The following TACC2 variants were observed in gnomAD, a reference collection of about 807,000 sequenced individuals.
TACC2 encodes the protein transforming acidic coiled-coil-containing protein 2.
TACC2 carries 137 observed loss-of-function variants against 227.3 expected under a neutral mutation model. The observed-to-expected ratio is 0.60, with a 90% CI of 0.52 to 0.69. The LOEUF (loss-of-function observed/expected upper bound fraction) is 0.69. Ranked by LOEUF, TACC2 falls within the 30% of genes least tolerant of loss-of-function variation. The pLI, the probability that TACC2 is intolerant of heterozygous loss-of-function variation, is 0.00. For missense variants in TACC2, 3,470 were observed against 3,694.4 expected, an observed-to-expected ratio of 0.94 and a Z score of 1.57; for synonymous variants, 1,523 against 1,487.5, an observed-to-expected ratio of 1.02 and a Z score of -0.55.
chr10:122,123,026 TGA>T (rs753391300), intron 5 of TACC2, among the ~76,000 whole-genome samples: 12 of 152,142 alleles, frequency 7.9e-5, no homozygotes, highest in South Asian at 2.1e-4. Context: ...ATCATTTTTT[TGA>T]GAGAGTTTCA....
At chr10:122,078,130 G>C (rs1332013284) in intron 3 of TACC2, among the ~76,000 whole-genome samples, 1 of 149,302 alleles carries the variant, frequency 6.7e-6, no homozygotes, top group Non-Finnish European at 1.5e-5. Context: ...AGGAGGTGGA[G>C]GTTGCAGTAA....
chr10:122,134,197 A>G (rs2089034090), intron 6 of TACC2, among the ~76,000 whole-genome samples: 1 of 141,322 alleles, frequency 7.1e-6, no homozygotes. Context: ...CCTGAGACGG[A>G]GTCTCACTCT....
At chr10:122,179,936 T>G (rs1419051999) in intron 7 of TACC2, among the ~76,000 whole-genome samples, 3 of 151,804 alleles carry the variant, frequency 2.0e-5, no homozygotes, top group African/African-American at 7.2e-5. Flanking sequence ...AAAAAAAATA[T>G]AGCCGGGAGT....
chr10:122,122,699 G>C (rs887939165), intron 5 of TACC2, among the ~76,000 whole-genome samples: 1 of 152,044 alleles, frequency 6.6e-6, no homozygotes. Flanking sequence ...CTGTGCTCTT[G>C]GACGCGGGTC....
chr10:122,158,581 G>T (rs1405441384), intron 7 of TACC2, among the ~76,000 whole-genome samples: 1 of 152,174 alleles, frequency 6.6e-6, no homozygotes, highest in East Asian at 1.9e-4. Flanking sequence ...CTGTAGAGCT[G>T]TCCTTGCTTG....
At chr10:122,106,534 T>C (rs1434963261) in intron 5 of TACC2, among the ~76,000 whole-genome samples, 1 of 152,234 alleles carries the variant, frequency 6.6e-6, no homozygotes, top group Admixed American at 6.5e-5. Flanking sequence ...TAAAGGAAGC[T>C]GCAAATGCAT....
Position 122,107,053 on chromosome 10 carries a change from A to C in TACC2, c.5573+18462A>C, listed in dbSNP as rs548970956. 2.0e-5 allele frequency among the ~76,000 whole-genome samples: 3 copies of C among 152,320 alleles called. No homozygotes were observed. The South Asian group carries it at 6.2e-4, about 32-fold the overall frequency. On this transcript the variant is annotated intron_variant, in intron 5 of 22. Coordinates refer to ENST00000369005, the MANE Select transcript of TACC2 (RefSeq NM_206862.4). ...CAAAGAGTGAGAAAACTATCTCCAG[A>C]AGGCCTGCTGATTTTCTCTTCTGTT...
intron 21 of TACC2, 136 bp from the exon 22 acceptor site, chr10:122,249,408 G>T: frequency 8.0e-7 from 1 of 1,255,136 alleles, no homozygotes; most frequent in South Asian, 1.5e-5. Flanking sequence ...GTGTTCTCAT[G>T]GGCTCCTGTG....
At chr10:122,192,647 A>G (rs1048231286) in intron 7 of TACC2, 7 of 455,300 alleles carry the variant, frequency 1.5e-5, no homozygotes, top group Non-Finnish European at 3.1e-5. Flanking sequence ...AGGGGTGGGA[A>G]TTTGGGGGAC....
chr10:122,097,981 C>T (rs1214070751), intron 5 of TACC2, among the ~76,000 whole-genome samples: 2 of 152,128 alleles, frequency 1.3e-5, no homozygotes, highest in Non-Finnish European at 2.9e-5. Flanking sequence ...GATGGGCTTT[C>T]AGGACACGCT....
intron 7 of TACC2, among the ~76,000 whole-genome samples, chr10:122,183,258 C>T (rs1229655787): frequency 1.3e-5 from 2 of 151,962 alleles, no homozygotes. Context: ...GGCTTAGGAG[C>T]CAGGATTCTA....
At chr10:122,253,520 A>C (rs2096287711) in intron 22 of TACC2, among the ~76,000 whole-genome samples, 1 of 151,732 alleles carries the variant, frequency 6.6e-6, no homozygotes, top group African/African-American at 2.4e-5. Context: ...CCTATTTGGC[A>C]TCCCTCTGAG....
chr10:122,237,866 AT>A, intron 17 of TACC2, 94 bp from the exon 18 acceptor site: 1 of 923,522 alleles, frequency 1.1e-6, no homozygotes, highest in Non-Finnish European at 1.7e-6. Context: ...TTCATTCCAC[AT>A]TTATTCACCG....
rs760437099 is a variant in TACC2, at chr10:122,254,190, A to G, written c.*134A>G. 1.3e-6 allele frequency: 1 copy of G among 774,324 alleles called. No homozygotes were observed. Among genetic ancestry groups the G allele is most frequent in the African/African-American group, 1.7e-5 (1 of 58,358 alleles). The allele number at this position is 774,324 out of a possible 1,614,324, so 48.0% of individuals were successfully genotyped here. Reference sequence around the variant, plus strand: ...CTACTGTATTTCCTTTCTAAATAAAATTGATTTGATTGTATGCAGTACTAA... The same window carrying G: ...CTACTGTATTTCCTTTCTAAATAAAGTTGATTTGATTGTATGCAGTACTAA... On this transcript the variant is annotated 3_prime_UTR_variant, in exon 23 of 23. Transcript: ENST00000369005.
intron 1 of TACC2, among the ~76,000 whole-genome samples, chr10:121,992,575 G>T (rs1001716114): frequency 1.8e-4 from 28 of 152,286 alleles, no homozygotes; most frequent in Non-Finnish European, 3.4e-4. Context: ...CTATGAAGAA[G>T]GTGGAGTGTG....
rs148975219 is a variant in TACC2 at position 122,081,292 on chromosome 10, G to A, written c.147-1355G>A. 6.9e-4 allele frequency among the ~76,000 whole-genome samples: 104 copies of A among 151,738 alleles called. 1 individual carries two copies. In the East Asian group the frequency reaches 0.017, roughly 25 times the overall value. On this transcript the variant is annotated intron_variant, in intron 3 of 22. Transcript: ENST00000369005. ...CCCAGCACTTTGGGAGGCTGAGGCG[G>A]GCAGATCACGAGGTTAGGAGATCGA...
chr10:122,105,982 A>G (rs563370653), intron 5 of TACC2, among the ~76,000 whole-genome samples: 4,438 of 130,178 alleles, frequency 0.034, 114 homozygotes, highest in Non-Finnish European at 0.051. Flanking sequence ...ATGTATATAC[A>G]TATACATTTT....
At chr10:122,069,831 C>T (rs1565205519) in intron 3 of TACC2, among the ~76,000 whole-genome samples, 1 of 152,196 alleles carries the variant, frequency 6.6e-6, no homozygotes, top group Non-Finnish European at 1.5e-5. Context: ...TTTCTCTTCT[C>T]CCTTCAAGAG....
rs533507884 is a variant in TACC2, at chr10:122,210,024, A to C, written c.5972-373A>C. 3 of 241,644 alleles carry C rather than the reference A, an allele frequency of 1.2e-5. No homozygotes were observed. The highest frequency in any genetic ancestry group is 2.4e-5 in the Non-Finnish European group (3 of 123,416). The allele number at this position is 241,644 out of a possible 1,614,324, so 15.0% of individuals were successfully genotyped here. On this transcript the variant is annotated intron_variant, in intron 8 of 22. Transcript: ENST00000369005. This position sits in a 1 kb window ranked among gnomAD's most constrained non-coding sequence, Gnocchi z 4.6. ...TTTATTCGCTATCTTCCCCTGAAGA[A>C]TGTGACTTCCAGGAAGGGAAAGGTT...
Sources: gnomAD v4.1 joint callset for allele counts (sites outside exome capture counted in the v4.1 genomes callset) on GRCh38, gnomAD v4.1.1 for gene constraint, Gnocchi (gnomAD v3.1) non-coding constraint, MANE v1.5 for transcripts, NCBI Gene and HGNC (gene_info 2026-07-23, HGNC 2026-07-21) for gene names.